NYAP1: variants seen among roughly 807,000 people sequenced by gnomAD.
NYAP1 encodes neuronal tyrosine-phosphorylated phosphoinositide-3-kinase adapter 1.
A neutral mutation model predicts 58.6 loss-of-function variants in NYAP1; 20 were observed. The ratio of observed to expected loss-of-function variants is 0.34; its 90% CI spans 0.24 to 0.50. NYAP1 has a LOEUF of 0.50. Among genes scored for constraint, NYAP1 ranks in the 20% least tolerant of loss-of-function variants. The probability of loss-of-function intolerance (pLI) is 0.98; values close to 1 mark genes in which losing one functional copy is unlikely to be tolerated. For synonymous variants in NYAP1, 572 were observed against 523.1 expected (o/e 1.09, Z -1.27); for missense variants, 1,150 against 1,194.5 (o/e 0.96, Z 0.55).
chr7:100,490,895 C>A lies in NYAP1; in HGVS notation c.2159-91C>A. On this transcript the variant is annotated intron_variant, in intron 5 of 6. Transcript: ENST00000300179. This position sits in a 1 kb window ranked among gnomAD's most constrained non-coding sequence, Gnocchi z 4.6. The stretch of plus-strand genomic sequence containing the variant: ...TTTTTCCCTTCTGATGAGGCAGGGG[C>A]AGCCTGGACCATTCAAGGGCAGGGG... 4 of 1,067,792 alleles carry A rather than the reference C, an allele frequency of 3.7e-6. No individual in the cohort carries two copies. The highest frequency in any genetic ancestry group is 1.6e-5 in the South Asian group (1 of 62,686). The allele number at this position is 1,067,792 out of a possible 1,614,324, so 66.1% of individuals were successfully genotyped here.
At position 100,494,014 on chromosome 7, in the gene NYAP1, G is replaced by A; in HGVS notation, c.*111G>A. ...TGAAAGACTACGTGGGAGAGTGCCA[G>A]GGAGAACCCCTGCCCTCCAACCTAC... On this transcript the variant is annotated 3_prime_UTR_variant, in exon 7 of 7. Coordinates refer to ENST00000300179, the MANE Select transcript of NYAP1 (RefSeq NM_173564.4). The A allele has an allele frequency of 9.9e-7, 1 of 1,009,230 alleles. No individual in the cohort carries two copies. Among genetic ancestry groups the A allele is most frequent in the East Asian group, 3.1e-5 (1 of 31,802 alleles). The allele number at this position is 1,009,230 out of a possible 1,614,324, so 62.5% of individuals were successfully genotyped here. A position where few individuals can be genotyped will look rare whatever the true frequency, so the allele number is the denominator to read the frequency against.
At position 100,488,960 on chromosome 7, in the gene NYAP1, G is replaced by T; in HGVS notation, c.1239G>T (p.Gln413His). ...ARSHSTPLPP[Q>H]GSGQPRGERE... is the part of the protein sequence containing the mutation. ...GCCACTCGACACCGTTGCCACCCCA[G>T]GGCTCTGGCCAGCCCCGGGGGGAGC... The change falls in exon 4 of 7, where the codon CAG (glutamine) becomes CAT (histidine). Residue 413 changes from glutamine to histidine, a missense_variant. Gln to His is a conservative substitution (Grantham distance 24, BLOSUM62 0). Transcript: ENST00000300179. The surrounding 1 kb of genome is among the most constrained non-coding windows in gnomAD (Gnocchi z 5.9). The T allele has an allele frequency of 6.4e-7, 1 of 1,574,646 alleles. No individual in the cohort carries two copies. The highest frequency in any genetic ancestry group is 2.2e-5 in the East Asian group (1 of 44,724).
Position 100,488,840 on chromosome 7 carries a change from C to T in NYAP1, c.1119C>T (p.Pro373=). 1 of 1,591,926 alleles carries T rather than the reference C, an allele frequency of 6.3e-7. No individual in the cohort carries two copies. The highest frequency in any genetic ancestry group is 1.3e-5 in the African/African-American group (1 of 74,086). Reference sequence around the variant, plus strand: ...AGCCAGCCGGCTCCACCCCAGCTCCCCAAGTGCCTGCACGGGAGCGGGAGA... The same window carrying T: ...AGCCAGCCGGCTCCACCCCAGCTCCTCAAGTGCCTGCACGGGAGCGGGAGA... The part of the protein sequence containing the change: ...SKEPAGSTPA[P]QVPARERETP... Residue 373 remains proline, a synonymous_variant, in exon 4 of 7, where the codon CCC becomes CCT. Transcript: ENST00000300179. The surrounding 1 kb of genome is among the most constrained non-coding windows in gnomAD (Gnocchi z 5.9).
chr7:100,489,239 T>C lies in NYAP1; in HGVS notation c.1518T>C (p.Pro506=). 1 of 1,606,640 alleles carries C rather than the reference T, an allele frequency of 6.2e-7. No homozygotes were observed. Among genetic ancestry groups the C allele is most frequent in the Non-Finnish European group, 8.5e-7 (1 of 1,177,172 alleles). ...HGMLCTSSRP[P]VPGKTSPHGG... is the part of the protein sequence containing the mutation. ...TGCTGTGTACCAGCTCAAGGCCCCCTGTGCCAGGGAAGACCAGCCCCCACG... is the reference window on the plus strand; with the variant it reads ...TGCTGTGTACCAGCTCAAGGCCCCCCGTGCCAGGGAAGACCAGCCCCCACG... The change falls in exon 4 of 7, where the codon CCT becomes CCC. Residue 506 remains proline (P), a synonymous_variant. Coordinates refer to ENST00000300179, the MANE Select transcript of NYAP1 (RefSeq NM_173564.4).
rs1322912728 is a variant in NYAP1, at chr7:100,493,895, G to A, written c.2518G>A (p.Ala840Thr). The A allele has an allele frequency of 1.4e-6, 2 of 1,454,110 alleles. No individual in the cohort carries two copies. Among genetic ancestry groups the A allele is most frequent in the East Asian group, 2.7e-5 (1 of 36,540 alleles). 90.1% of individuals were successfully genotyped at this position (1,454,110 alleles called of 1,614,324 possible). A position where few individuals can be genotyped will look rare whatever the true frequency, so the allele number is the denominator to read the frequency against. ...RRQHTVLWDT[A>T]I ...GCAGCACACGGTCCTCTGGGACACC[G>A]CCATCTGAGGCGGGCGGGGGGGTAC... The change falls in exon 7 of 7, where the codon GCC (alanine) becomes ACC (threonine). Residue 840 changes from alanine (A) to threonine (T), a missense_variant. Coordinates refer to ENST00000300179, the MANE Select transcript of NYAP1 (RefSeq NM_173564.4).
rs770018449 is a variant in NYAP1, at chr7:100,490,494, A to G, written c.1946-23A>G. 1.3e-6 allele frequency: 2 copies of G among 1,562,846 alleles called. No homozygotes were observed. Among genetic ancestry groups the G allele is most frequent in the Non-Finnish European group, 1.7e-6 (2 of 1,152,718 alleles). On this transcript the variant is annotated intron_variant, in intron 4 of 6. Coordinates refer to ENST00000300179, the MANE Select transcript of NYAP1 (RefSeq NM_173564.4). The surrounding 1 kb of genome is among the most constrained non-coding windows in gnomAD (Gnocchi z 4.6). ...TGACGCCTCCAACATGCAGGCACACAGCTCTCCTTGTCATCCCAGCAGAGG... is the reference window on the plus strand; with the variant it reads ...TGACGCCTCCAACATGCAGGCACACGGCTCTCCTTGTCATCCCAGCAGAGG...
chr7:100,490,387 C>A lies in NYAP1; in HGVS notation c.1946-130C>A. The A allele has an allele frequency of 1.3e-6, 1 of 788,274 alleles. No individual in the cohort carries two copies. Among genetic ancestry groups the A allele is most frequent in the Non-Finnish European group, 2.2e-6 (1 of 464,880 alleles). The allele number at this position is 788,274 out of a possible 1,614,324, so 48.8% of individuals were successfully genotyped here. A position where few individuals can be genotyped will look rare whatever the true frequency, so the allele number is the denominator to read the frequency against. On this transcript the variant is annotated intron_variant, in intron 4 of 6. Transcript: ENST00000300179. The surrounding 1 kb of genome is among the most constrained non-coding windows in gnomAD (Gnocchi z 4.6). ...ATGTTGGGGGAGTGTGAAGGAGCCC[C>A]ATCCCAGCCGTTACTTGCAAAAGGG...
Position 100,491,076 on chromosome 7 carries a change from C to A in NYAP1, c.2249C>A (p.Pro750His). 2 of 1,556,462 alleles carry A rather than the reference C, an allele frequency of 1.3e-6. No individual in the cohort carries two copies. Among genetic ancestry groups the A allele is most frequent in the Non-Finnish European group, 1.7e-6 (2 of 1,149,084 alleles). ...VLHTPRPCSQPRDALSQPHPA... is the reference protein window; with the variant it reads ...VLHTPRPCSQHRDALSQPHPA... ...CACACACCCCGGCCCTGCAGCCAGCCCAGGGATGCCCTGAGCCAGGTGAGG... is the reference window on the plus strand; with the variant it reads ...CACACACCCCGGCCCTGCAGCCAGCACAGGGATGCCCTGAGCCAGGTGAGG... The change falls in exon 6 of 7, where the codon CCC becomes CAC. Residue 750 changes from proline (P) to histidine (H), a missense_variant. By Grantham distance (77) the Pro-to-His change is moderately conservative. Coordinates refer to ENST00000300179, the MANE Select transcript of NYAP1 (RefSeq NM_173564.4).
At position 100,485,962 on chromosome 7, in the gene NYAP1, C is replaced by T. The variant is rs1213076812; in HGVS notation, c.68+583C>T. Among the ~76,000 whole-genome samples, 1 of 152,206 alleles carries T rather than the reference C, an allele frequency of 6.6e-6. No individual in the cohort carries two copies. Among genetic ancestry groups the T allele is most frequent in the Non-Finnish European group, 1.5e-5 (1 of 68,040 alleles). On this transcript the variant is annotated intron_variant, in intron 2 of 6. Transcript: ENST00000300179. This position sits in a 1 kb window ranked among gnomAD's most constrained non-coding sequence, Gnocchi z 5.7. Reference sequence around the variant, plus strand: ...TCCAGGGACCTGGGGCCTGGCCTCTCCCATCCTTCTCTCCTTCTCCTCTTC... The same window carrying T: ...TCCAGGGACCTGGGGCCTGGCCTCTTCCATCCTTCTCTCCTTCTCCTCTTC...
intron 1 of NYAP1, among the ~76,000 whole-genome samples, chr7:100,484,596 C>T (rs565084992): frequency 6.6e-6 from 1 of 152,210 alleles, no homozygotes; most frequent in East Asian, 1.9e-4. Context: ...TGTCTCCCAT[C>T]CTTCCTTCAG....
At position 100,489,078 on chromosome 7, in the gene NYAP1, C is replaced by T; in HGVS notation, c.1357C>T (p.Pro453Ser). The change falls in exon 4 of 7, where the codon CCC (proline) becomes TCC (serine). Residue 453 changes from proline (P) to serine (S), a missense_variant. Pro to Ser is a moderately conservative substitution (Grantham distance 74). Transcript: ENST00000300179. The part of the protein sequence containing the change: ...PAPAALLPGP[P>S]KDKAVSYTMV... ...CCCGGCCGCCTTGCTCCCCGGCCCC[C>T]CCAAGGACAAGGCCGTGTCTTACAC... 1.3e-6 allele frequency: 2 copies of T among 1,552,706 alleles called. No individual in the cohort carries two copies. Among genetic ancestry groups the T allele is most frequent in the Non-Finnish European group, 1.7e-6 (2 of 1,149,704 alleles).
At position 100,491,003 on chromosome 7, in the gene NYAP1, C is replaced by A; in HGVS notation, c.2176C>A (p.Arg726Ser). 6.4e-7 allele frequency: 1 copy of A among 1,553,272 alleles called. No individual in the cohort carries two copies. Among genetic ancestry groups the A allele is most frequent in the Non-Finnish European group, 8.7e-7 (1 of 1,147,724 alleles). The change falls in exon 6 of 7, where the codon CGC becomes AGC. Residue 726 changes from arginine (R) to serine (S), a missense_variant. Transcript: ENST00000300179. ...CACCTCAGACTTCACGGGAGGCTAC[C>A]GCCTGGGGCGCTCCGCCTCCACCTC... ...HRNGDFTGGY[R>S]LGRSASTSGV... is the part of the protein sequence containing the mutation.
chr7:100,486,905 G>C lies in NYAP1; in HGVS notation c.153G>C (p.Ser51=), dbSNP rs752513977. The C allele has an allele frequency of 1.7e-4, 276 of 1,585,482 alleles. No homozygotes were observed. Among genetic ancestry groups the C allele is most frequent in the Non-Finnish European group, 2.3e-4 (266 of 1,168,340 alleles). ...GPGVRVRDIA[S]LRRSLRMGFM... Reference sequence around the variant, plus strand: ...GGGTCCGCGTGCGGGACATCGCCTCGCTGCGGCGCTCCCTCAGGATGGGTT... The same window carrying C: ...GGGTCCGCGTGCGGGACATCGCCTCCCTGCGGCGCTCCCTCAGGATGGGTT... The change falls in exon 3 of 7, where the codon TCG becomes TCC. Residue 51 remains serine (S), a synonymous_variant. Coordinates refer to ENST00000300179, the MANE Select transcript of NYAP1 (RefSeq NM_173564.4). The surrounding 1 kb of genome is among the most constrained non-coding windows in gnomAD (Gnocchi z 6.2).
In NYAP1 at chr7:100,490,723, A is replaced by G. The variant is rs1273447280; in HGVS notation, c.2152A>G (p.Asn718Asp). 1 of 1,509,928 alleles carries G rather than the reference A, an allele frequency of 6.6e-7. No homozygotes were observed. Among genetic ancestry groups the G allele is most frequent in the Admixed American group, 2.1e-5 (1 of 47,450 alleles). 93.5% of individuals were successfully genotyped at this position (1,509,928 alleles called of 1,614,324 possible). A position where few individuals can be genotyped will look rare whatever the true frequency, so the allele number is the denominator to read the frequency against. ...PCQTFPACHRNGDFTGGYRLG... is the reference protein window; with the variant it reads ...PCQTFPACHRDGDFTGGYRLG... ...CCAGACCTTCCCCGCCTGCCACCGC[A>G]ATGGAGGTGACGCGGCCTGCACACA... Residue 718 changes from asparagine to aspartate, a missense_variant, in exon 5 of 7, where the codon AAT (asparagine) becomes GAT (aspartate). Coordinates refer to ENST00000300179, the MANE Select transcript of NYAP1 (RefSeq NM_173564.4). The surrounding 1 kb of genome is among the most constrained non-coding windows in gnomAD (Gnocchi z 4.6).
rs1303264515 is a variant in NYAP1, at chr7:100,489,238, C to G, written c.1517C>G (p.Pro506Arg). Reference sequence around the variant, plus strand: ...ATGCTGTGTACCAGCTCAAGGCCCCCTGTGCCAGGGAAGACCAGCCCCCAC... The same window carrying G: ...ATGCTGTGTACCAGCTCAAGGCCCCGTGTGCCAGGGAAGACCAGCCCCCAC... ...HGMLCTSSRPPVPGKTSPHGG... is the reference protein window; with the variant it reads ...HGMLCTSSRPRVPGKTSPHGG... The change falls in exon 4 of 7, where the codon CCT (proline) becomes CGT (arginine). Residue 506 changes from proline (P) to arginine (R), a missense_variant. By Grantham distance (103) the Pro-to-Arg change is moderately radical (BLOSUM62 -2). Transcript: ENST00000300179. 6.2e-7 allele frequency: 1 copy of G among 1,606,648 alleles called. No homozygotes were observed.
At chr7:100,489,703 G>T (rs746057006) in intron 4 of NYAP1, 37 bp downstream of exon 4, 2 of 1,238,384 alleles carry the variant, frequency 1.6e-6, no homozygotes, top group Non-Finnish European at 2.2e-6. Flanking sequence ...TGGCATCAGG[G>T]GTGGGGGGCA....
rs145226359 is a variant in NYAP1 at position 100,488,663 on chromosome 7, G to T, written c.942G>T (p.Thr314=). 407 of 1,610,424 alleles carry T rather than the reference G, an allele frequency of 2.5e-4. 2 individuals are homozygous for T. The African/African-American group carries it at 3.8e-3, about 15-fold the overall frequency. ...ASALPSRRDG[T]PTKTTPCEIP... ...CCCTCCCGAGCCGGAGGGACGGGACGCCCACCAAGACCACTCCTTGTGAAA... is the reference window on the plus strand; with the variant it reads ...CCCTCCCGAGCCGGAGGGACGGGACTCCCACCAAGACCACTCCTTGTGAAA... Residue 314 remains threonine (T), a synonymous_variant, in exon 4 of 7, where the codon ACG becomes ACT. Coordinates refer to ENST00000300179, the MANE Select transcript of NYAP1 (RefSeq NM_173564.4). The surrounding 1 kb of genome is among the most constrained non-coding windows in gnomAD (Gnocchi z 5.9).
rs1799741360 is a variant in NYAP1 at position 100,488,656 on chromosome 7, A to G, written c.935A>G (p.Asp312Gly). ...RPASALPSRR[D>G]GTPTKTTPCE... is the part of the protein sequence containing the mutation. ...GCTTCAGCCCTCCCGAGCCGGAGGG[A>G]CGGGACGCCCACCAAGACCACTCCT... Residue 312 changes from aspartate to glycine, a missense_variant, in exon 4 of 7, where the codon GAC becomes GGC. Coordinates refer to ENST00000300179, the MANE Select transcript of NYAP1 (RefSeq NM_173564.4). This position sits in a 1 kb window ranked among gnomAD's most constrained non-coding sequence, Gnocchi z 5.9. 6.2e-7 allele frequency: 1 copy of G among 1,608,106 alleles called. No homozygotes were observed. The highest frequency in any genetic ancestry group is 1.7e-5 in the Admixed American group (1 of 59,632).
rs1799848906 is a variant in NYAP1 at position 100,494,753 on chromosome 7, T to TA, written c.*850_*851insA. 1.4e-5 allele frequency: 2 copies of TA among 145,174 alleles called. No homozygotes were observed. Among genetic ancestry groups the TA allele is most frequent in the African/African-American group, 5.2e-5 (2 of 38,502 alleles). The allele number at this position is 145,174 out of a possible 1,614,324, so 9.0% of individuals were successfully genotyped here. On this transcript the variant is annotated 3_prime_UTR_variant, in exon 7 of 7. Transcript: ENST00000300179. ...CAGAAGAGATGTCAGGAACTTTTTT[T>TA]TAATTCCTTTCTTTTCAGAATAATA...
Sources: allele counts gnomAD v4.1 joint callset (sites outside exome capture counted in the v4.1 genomes callset), GRCh38; gene constraint gnomAD v4.1.1; non-coding constraint Gnocchi (gnomAD v3.1); transcripts MANE v1.5; gene names NCBI Gene and HGNC (gene_info 2026-07-23, HGNC 2026-07-21).